FHIT: variants seen among roughly 807,000 people sequenced by gnomAD.
FHIT encodes fragile histidine triad diadenosine triphosphatase.
In FHIT, 19 loss-of-function variants were observed where a neutral mutation model predicts 17.9. That is an observed-to-expected ratio of 1.06 (90% confidence interval 0.74 to 1.56). FHIT has a LOEUF of 1.56. Ranked by LOEUF, FHIT falls within the 40% of genes most tolerant of loss-of-function variation. FHIT has a pLI of 0.00. For synonymous variants in FHIT, 81 were observed against 69.7 expected (o/e 1.16, Z -0.81); for missense variants, 248 against 189.2 (o/e 1.31, Z -1.82).
intron 4 of FHIT, among the ~76,000 whole-genome samples, chr3:60,711,083 GA>G (rs1489862587): frequency 1.3e-5 from 2 of 152,128 alleles, no homozygotes; most frequent in Non-Finnish European, 2.9e-5. Flanking sequence ...AATACTTCCA[GA>G]GGAACTATCA....
chr3:60,037,126 T>G lies in FHIT; in HGVS notation c.104-22974A>C, dbSNP rs17061913. Among the ~76,000 whole-genome samples the G allele has an allele frequency of 1.1e-4, 16 of 152,320 alleles. No individual in the cohort carries two copies. In the South Asian group the frequency reaches 2.1e-3, roughly 20 times the overall value. ...CATTAACAAGAGCTAACAACCAACA[T>G]TGAAGTTTTAACCTCATTCGTGAAT... On this transcript the variant is annotated intron_variant, in intron 5 of 9. Transcript: ENST00000492590.
chr3:59,966,999 T>C (rs1280170213), intron 7 of FHIT, among the ~76,000 whole-genome samples: 1 of 152,172 alleles, frequency 6.6e-6, no homozygotes, highest in African/African-American at 2.4e-5. Flanking sequence ...TTTTCTTTCT[T>C]TATTCTATTT....
chr3:60,375,438 G>C (rs1700512270), intron 5 of FHIT, among the ~76,000 whole-genome samples: 2 of 151,846 alleles, frequency 1.3e-5, no homozygotes, highest in East Asian at 1.9e-4. Context: ...AGCCAGATGT[G>C]GTGGTGTACA....
rs782727513 is a variant in FHIT at position 60,951,292 on chromosome 3, T to G, written c.-111+90755A>C. ...ACAGGCAAAGAAGACATGCCAATAA[T>G]AAAATTCTTAGAGCTGCTTAACATT... On this transcript the variant is annotated intron_variant, in intron 3 of 9. Coordinates refer to ENST00000492590, the MANE Select transcript of FHIT (RefSeq NM_002012.4). Among the ~76,000 whole-genome samples the G allele has an allele frequency of 5.8e-4, 89 of 152,282 alleles. 1 individual carries two copies. Among genetic ancestry groups the G allele is most frequent in the Non-Finnish European group, 4.6e-4 (31 of 68,018 alleles).
At chr3:61,222,916 A>G (rs944410521) in intron 1 of FHIT, among the ~76,000 whole-genome samples, 2 of 152,220 alleles carry the variant, frequency 1.3e-5, no homozygotes, top group African/African-American at 2.4e-5. Flanking sequence ...TCAAAAGACA[A>G]TGGGTCTTAA....
At chr3:60,904,125 T>C (rs1275376975) in intron 3 of FHIT, among the ~76,000 whole-genome samples, 1 of 152,236 alleles carries the variant, frequency 6.6e-6, no homozygotes, top group African/African-American at 2.4e-5. Context: ...GTAAGACATT[T>C]CATCTATTTA....
At chr3:60,824,026 G>C (rs536175572) in intron 3 of FHIT, among the ~76,000 whole-genome samples, 1 of 152,300 alleles carries the variant, frequency 6.6e-6, no homozygotes, top group Non-Finnish European at 1.5e-5. Context: ...GCTGGAGGGT[G>C]CTAGACCTTA....
intron 4 of FHIT, among the ~76,000 whole-genome samples, chr3:60,794,186 T>C (rs1700892331): frequency 6.6e-6 from 1 of 152,232 alleles, no homozygotes; most frequent in Admixed American, 6.5e-5. Context: ...ATATACTATG[T>C]ATCTATTTAA....
At chr3:60,167,932 G>A (rs1188406987) in intron 5 of FHIT, among the ~76,000 whole-genome samples, 3 of 152,076 alleles carry the variant, frequency 2.0e-5, no homozygotes, top group Non-Finnish European at 4.4e-5. Flanking sequence ...TTTGGAGGGG[G>A]AAGATGGGCT....
At chr3:60,631,204 G>C (rs1553682359) in intron 4 of FHIT, among the ~76,000 whole-genome samples, 1 of 152,146 alleles carries the variant, frequency 6.6e-6, no homozygotes, top group Non-Finnish European at 1.5e-5. Context: ...TTAGGTTTCA[G>C]AGCTTTAATT....
At chr3:59,794,368 T>C (rs1699693994) in intron 8 of FHIT, among the ~76,000 whole-genome samples, 1 of 152,222 alleles carries the variant, frequency 6.6e-6, no homozygotes. Context: ...CGCATGTTAT[T>C]AACAATGGTG....
chr3:59,921,819 A>G (rs1705418796), intron 8 of FHIT, among the ~76,000 whole-genome samples: 1 of 152,214 alleles, frequency 6.6e-6, no homozygotes, highest in Non-Finnish European at 1.5e-5. Flanking sequence ...GGGAGTACTT[A>G]GAAATAAATT....
intron 5 of FHIT, among the ~76,000 whole-genome samples, chr3:60,098,304 A>C (rs545338743): frequency 7.2e-4 from 105 of 146,338 alleles, no homozygotes; most frequent in African/African-American, 2.5e-3. Flanking sequence ...GACTTCCACA[A>C]TGGTTGAACT....
intron 4 of FHIT, among the ~76,000 whole-genome samples, chr3:60,576,667 T>A (rs782512361): frequency 1.3e-5 from 2 of 152,126 alleles, no homozygotes; most frequent in Non-Finnish European, 2.9e-5. Context: ...CGTGAAAATG[T>A]GAAGATGTTA....
At chr3:60,789,707 A>C (rs959145350) in intron 4 of FHIT, among the ~76,000 whole-genome samples, 1 of 152,214 alleles carries the variant, frequency 6.6e-6, no homozygotes, top group Non-Finnish European at 1.5e-5. Context: ...GACATTTCTT[A>C]GTAAAGCTTT....
intron 2 of FHIT, among the ~76,000 whole-genome samples, chr3:61,050,526 A>C (rs1214192789): frequency 6.6e-6 from 1 of 152,220 alleles, no homozygotes; most frequent in Non-Finnish European, 1.5e-5. Flanking sequence ...TGATGATGGC[A>C]TGGAATTTAA....
chr3:59,898,444 G>T (rs964429810), intron 8 of FHIT, among the ~76,000 whole-genome samples: 35 of 101,432 alleles, frequency 3.5e-4, no homozygotes, highest in African/African-American at 1.8e-3. Context: ...GTGTATGTTT[G>T]TGTGTGTGTG....
chr3:61,205,532 T>A (rs1218004995), intron 1 of FHIT, among the ~76,000 whole-genome samples: 1 of 152,192 alleles, frequency 6.6e-6, no homozygotes, highest in Non-Finnish European at 1.5e-5. Context: ...TGTGAGATGG[T>A]ATCTCATTGT....
At chr3:59,772,864 C>G (rs1026488457) in intron 8 of FHIT, among the ~76,000 whole-genome samples, 5 of 152,162 alleles carry the variant, frequency 3.3e-5, no homozygotes, top group African/African-American at 1.2e-4. Context: ...GGGAGAAAAG[C>G]AGCAGCCTCA....
Sources: allele counts gnomAD v4.1 joint callset (sites outside exome capture counted in the v4.1 genomes callset), GRCh38; gene constraint gnomAD v4.1.1; transcripts MANE v1.5; gene names NCBI Gene and HGNC (gene_info 2026-07-23, HGNC 2026-07-21).